Variants in LPCAT2 observed in about 807,000 individuals in gnomAD.
LPCAT2 encodes 1-AGP acyltransferase 11.
Under a neutral mutation model 64.7 loss-of-function variants are expected in LPCAT2, and 58 were observed. The ratio of observed to expected loss-of-function variants is 0.90; its 90% confidence interval spans 0.73 to 1.12. The LOEUF (loss-of-function observed/expected upper bound fraction) is 1.12, where lower values mean the gene tolerates loss of function less well. LPCAT2 is among the 50% of genes most tolerant of loss of function. The probability of loss-of-function intolerance (pLI) is 0.00; values close to 1 mark genes in which losing one functional copy is unlikely to be tolerated. For synonymous variants in LPCAT2, 252 were observed against 245.3 expected, an observed-to-expected ratio of 1.03 and a Z score of -0.26; for missense variants, 579 against 669.8, an observed-to-expected ratio of 0.86 and a Z score of 1.50.
intron 11 of LPCAT2, among the ~76,000 whole-genome samples, chr16:55,562,260 A>G (rs1288246092): frequency 1.3e-5 from 2 of 151,864 alleles, no homozygotes; most frequent in African/African-American, 4.8e-5. Context: ...TGTTTTTGCT[A>G]GACTGTCCTT....
intron 11 of LPCAT2, chr16:55,556,818 C>T (rs1185937069): frequency 6.6e-6 from 1 of 152,142 alleles, no homozygotes; most frequent in South Asian, 2.1e-4. Context: ...CTGCCAACAC[C>T]CTCATTGTTT....
intron 11 of LPCAT2, chr16:55,567,154 G>T: frequency 6.2e-7 from 1 of 1,613,906 alleles, no homozygotes; most frequent in African/African-American, 1.3e-5. Context: ...GTCATGGACA[G>T]TGACACGACT....
chr16:55,519,136 A>G (rs1242442405), intron 1 of LPCAT2, among the ~76,000 whole-genome samples: 2 of 152,174 alleles, frequency 1.3e-5, no homozygotes, highest in African/African-American at 4.8e-5. Flanking sequence ...AATATTATTC[A>G]GAAATGAAGG....
chr16:55,511,449 T>G (rs1209658019), intron 1 of LPCAT2, among the ~76,000 whole-genome samples: 1 of 152,204 alleles, frequency 6.6e-6, no homozygotes, highest in Non-Finnish European at 1.5e-5. Context: ...GTATGATTAA[T>G]TTAGACTAAG....
intron 8 of LPCAT2, chr16:55,541,682 G>C: frequency 6.9e-6 from 2 of 290,594 alleles, no homozygotes; most frequent in South Asian, 6.7e-5. Context: ...GTATGTACTT[G>C]AGAAAATTAA....
At chr16:55,582,259 CT>C (rs1321947286) in intron 13 of LPCAT2, among the ~76,000 whole-genome samples, 2 of 152,146 alleles carry the variant, frequency 1.3e-5, no homozygotes, top group African/African-American at 4.8e-5. Context: ...AACCACACCC[CT>C]ACCTCTCTCT....
chr16:55,529,410 A>G (rs192035588), intron 3 of LPCAT2, among the ~76,000 whole-genome samples: 149 of 152,218 alleles, frequency 9.8e-4, no homozygotes, highest in African/African-American at 3.5e-3. Context: ...TTCGTGTGTT[A>G]GGAAGCTATT....
intron 8 of LPCAT2, chr16:55,538,659 C>A (rs1963353882): frequency 1.7e-5 from 2 of 114,768 alleles, no homozygotes; most frequent in African/African-American, 6.6e-5. Context: ...AAAACCAGTT[C>A]AGTTATCTCT....
chr16:55,544,464 G>T (rs1380488890), intron 8 of LPCAT2, among the ~76,000 whole-genome samples: 5 of 152,138 alleles, frequency 3.3e-5, no homozygotes, highest in Admixed American at 6.6e-5. Flanking sequence ...TGAGGGCAGG[G>T]ACTTTGCTGT....
chr16:55,528,332 G>C lies in LPCAT2; in HGVS notation c.312-45G>C, dbSNP rs746952925. 2.0e-6 allele frequency: 3 copies of C among 1,492,482 alleles called. No homozygotes were observed. The South Asian group carries it at 3.5e-5, about 17-fold the overall frequency. The allele number at this position is 1,492,482 out of a possible 1,614,324, so 92.5% of individuals were successfully genotyped here. ...ATTATAGAGTAAAACCCTGCTGCTA[G>C]CTTTAATTAACAGAGCTAATTACAT... is the stretch of plus-strand genomic sequence containing the variant. On this transcript the variant is annotated intron_variant, in intron 2 of 13. Transcript: ENST00000262134.
In LPCAT2 at chr16:55,520,176, A is replaced by T. The variant is rs145899450; in HGVS notation, c.172-5332A>T. Among the ~76,000 whole-genome samples, 1,294 of 152,252 alleles carry T rather than the reference A, an allele frequency of 8.5e-3. 14 individuals carry two copies. The highest frequency in any genetic ancestry group is 0.012 in the Non-Finnish European group (812 of 67,954). Reference sequence around the variant, plus strand: ...CAATACATGCACTATAAATGTAAATACAAAGATAAGAAGGGAGAAAAGATA... The same window carrying T: ...CAATACATGCACTATAAATGTAAATTCAAAGATAAGAAGGGAGAAAAGATA... On this transcript the variant is annotated intron_variant, in intron 1 of 13. Coordinates refer to ENST00000262134, the MANE Select transcript of LPCAT2 (RefSeq NM_017839.5).
intron 1 of LPCAT2, among the ~76,000 whole-genome samples, chr16:55,522,769 T>C (rs79810537): frequency 0.016 from 2,378 of 151,726 alleles, 58 homozygotes; most frequent in African/African-American, 0.051. Context: ...TGGTTAAAAA[T>C]GAACCTTGAT....
intron 1 of LPCAT2, among the ~76,000 whole-genome samples, chr16:55,516,626 G>A (rs1963015605): frequency 6.6e-6 from 1 of 152,136 alleles, no homozygotes; most frequent in African/African-American, 2.4e-5. Flanking sequence ...GCATCTAGCA[G>A]CAGAGTCCAG....
chr16:55,566,190 G>A (rs1596882581), intron 11 of LPCAT2, among the ~76,000 whole-genome samples: 2 of 152,148 alleles, frequency 1.3e-5, no homozygotes, highest in African/African-American at 4.8e-5. Context: ...GAATCTCTGG[G>A]AGTGGAAATT....
chr16:55,542,633 A>G (rs563677109), intron 8 of LPCAT2, among the ~76,000 whole-genome samples: 41 of 152,278 alleles, frequency 2.7e-4, no homozygotes, highest in African/African-American at 9.9e-4. Flanking sequence ...GTAACAGGTC[A>G]TACAGAAGTA....
intron 11 of LPCAT2, among the ~76,000 whole-genome samples, chr16:55,561,341 C>T (rs1378928689): frequency 6.9e-6 from 1 of 145,522 alleles, no homozygotes; most frequent in East Asian, 2.0e-4. Flanking sequence ...CTAAATTATC[C>T]ATCAGATGTG....
At chr16:55,575,407 G>A (rs755155152) in intron 12 of LPCAT2, among the ~76,000 whole-genome samples, 3 of 152,176 alleles carry the variant, frequency 2.0e-5, no homozygotes, top group East Asian at 1.9e-4. Flanking sequence ...TGTTCTGAGA[G>A]TAAAGGGGCT....
At position 55,584,130 on chromosome 16, in the gene LPCAT2, A is replaced by C. The variant is rs1314376643; in HGVS notation, c.*1032A>C. The C allele has an allele frequency of 6.6e-6, 1 of 152,258 alleles. No individual in the cohort carries two copies. Among genetic ancestry groups the C allele is most frequent in the African/African-American group, 2.4e-5 (1 of 41,474 alleles). 9.4% of individuals were successfully genotyped at this position (152,258 alleles called of 1,614,324 possible). A position where few individuals can be genotyped will look rare whatever the true frequency, so the allele number is the denominator to read the frequency against. ...AGGTAACATTGATTGCCTAATAAGAAAATGAATTGTTTGCCACAGAGTTGA... is the reference window on the plus strand; with the variant it reads ...AGGTAACATTGATTGCCTAATAAGACAATGAATTGTTTGCCACAGAGTTGA... On this transcript the variant is annotated 3_prime_UTR_variant, in exon 14 of 14. Coordinates refer to ENST00000262134, the MANE Select transcript of LPCAT2 (RefSeq NM_017839.5).
rs992361545 is a variant in LPCAT2, at chr16:55,574,129, A to G, written c.1216-502A>G. On this transcript the variant is annotated intron_variant, in intron 11 of 13. Coordinates refer to ENST00000262134, the MANE Select transcript of LPCAT2 (RefSeq NM_017839.5). ...GCTTCAGTTGCTCCTGGTTTACTAT[A>G]GATTAAGCCTGGAAGAAAGAAAAAA... 1.6e-4 allele frequency among the ~76,000 whole-genome samples: 24 copies of G among 152,312 alleles called. No individual in the cohort carries two copies. The South Asian group carries it at 2.5e-3, about 16-fold the overall frequency.
Sources: allele counts gnomAD v4.1 joint callset (sites outside exome capture counted in the v4.1 genomes callset), GRCh38; gene constraint gnomAD v4.1.1; transcripts MANE v1.5; gene names NCBI Gene and HGNC (gene_info 2026-07-23, HGNC 2026-07-21).